Variants in FBXO11 observed in about 807,000 individuals in gnomAD.
FBXO11 encodes F-box only protein 11.
Under a neutral mutation model 117.0 loss-of-function variants are expected in FBXO11, and 13 were observed. The observed-to-expected ratio is 0.11, with a 90% CI of 0.07 to 0.18. FBXO11 has a LOEUF of 0.18. Among genes scored for constraint, FBXO11 ranks in the 10% least tolerant of loss-of-function variants. The probability of loss-of-function intolerance (pLI) is 1.00; values close to 1 mark genes in which losing one functional copy is unlikely to be tolerated. For synonymous variants in FBXO11, 490 were observed against 380.5 expected, an observed-to-expected ratio of 1.29 and a Z score of -3.35; for missense variants, 767 against 1,164.4, an observed-to-expected ratio of 0.66 and a Z score of 4.97.
At chr2:47,902,727 T>C (rs1678390708) in intron 1 of FBXO11, among the ~76,000 whole-genome samples, 1 of 152,144 alleles carries the variant, frequency 6.6e-6, no homozygotes, top group African/African-American at 2.4e-5. Flanking sequence ...AACTATTTTA[T>C]TACCACTAAA....
Position 47,906,003 on chromosome 2 carries a change from A to C in FBXO11, c.-283T>G, listed in dbSNP as rs1678787700. On this transcript the variant is annotated 5_prime_UTR_variant, in exon 1 of 23. Transcript: ENST00000403359. ...GGCGGCCGCGAGGGACGAAGGCAGAAAGACGGGCAGACCGAGAGAAAGAAA... is the reference window on the plus strand; with the variant it reads ...GGCGGCCGCGAGGGACGAAGGCAGACAGACGGGCAGACCGAGAGAAAGAAA... The C allele has an allele frequency of 3.0e-6, 1 of 330,772 alleles. No individual in the cohort carries two copies. 20.5% of individuals were successfully genotyped at this position (330,772 alleles called of 1,614,324 possible).
At chr2:47,813,181 G>T (rs1670746933) in intron 18 of FBXO11, 53 bp downstream of exon 18, 1 of 1,538,090 alleles carries the variant, frequency 6.5e-7, no homozygotes, top group Non-Finnish European at 9.0e-7. Context: ...TTAAAGATAT[G>T]GAAGAATAAT....
intron 1 of FBXO11, among the ~76,000 whole-genome samples, chr2:47,891,961 G>A (rs776082027): frequency 1.3e-5 from 2 of 152,072 alleles, no homozygotes; most frequent in Non-Finnish European, 2.9e-5. Flanking sequence ...TTTTAAATAG[G>A]TTATTAGTTT....
intron 18 of FBXO11, among the ~76,000 whole-genome samples, chr2:47,812,073 G>A (rs1478937761): frequency 6.6e-6 from 1 of 151,380 alleles, no homozygotes; most frequent in Admixed American, 6.6e-5. Flanking sequence ...AAGTGCTATT[G>A]CTAAGATGGA....
chr2:47,875,722 T>C (rs925416016), intron 1 of FBXO11, among the ~76,000 whole-genome samples: 6 of 152,002 alleles, frequency 3.9e-5, no homozygotes, highest in Non-Finnish European at 8.8e-5. Context: ...AGAATACAAG[T>C]CATAATATCT....
chr2:47,839,899 C>T, intron 1 of FBXO11, 130 bp from the exon 2 acceptor site: 2 of 703,766 alleles, frequency 2.8e-6, no homozygotes, highest in South Asian at 2.1e-5. Flanking sequence ...TTCCAACCAA[C>T]TGGATAGCTA....
chr2:47,831,909 G>T (rs1672220414), intron 11 of FBXO11, among the ~76,000 whole-genome samples: 1 of 152,046 alleles, frequency 6.6e-6, no homozygotes, highest in South Asian at 2.1e-4. Flanking sequence ...AAATAACAAT[G>T]AAACCATTAT....
intron 16 of FBXO11, 38 bp from the exon 17 acceptor site, chr2:47,813,905 T>C: frequency 7.0e-7 from 1 of 1,435,242 alleles, no homozygotes; most frequent in Non-Finnish European, 9.8e-7. Flanking sequence ...TTTCAATAGC[T>C]TCTACTCCCA....
chr2:47,823,325 C>T lies in FBXO11; in HGVS notation c.1434G>A (p.Arg478=), dbSNP rs200669207. ...AGGCTTTTACTTCAAAGCCTGCTAT[C>T]CTATTTCTGTGTATATTGCAACTTT... ...YFESCNIHRN[R]IAGFEVKAYA... The change falls in exon 12 of 23, where the codon AGG becomes AGA. Residue 478 remains arginine, a synonymous_variant. Transcript: ENST00000403359. The T allele has an allele frequency of 1.3e-4, 216 of 1,612,828 alleles. 2 individuals are homozygous for T. Among genetic ancestry groups the T allele is most frequent in the Middle Eastern group, 6.6e-4 (4 of 6,082 alleles).
chr2:47,879,945 G>A (rs985731417), intron 1 of FBXO11, among the ~76,000 whole-genome samples: 3 of 151,424 alleles, frequency 2.0e-5, no homozygotes, highest in Non-Finnish European at 4.4e-5. Context: ...CCTTTCTAAA[G>A]TTTGAATAAT....
chr2:47,816,160 G>T (rs1197892274), intron 16 of FBXO11, among the ~76,000 whole-genome samples: 1 of 152,134 alleles, frequency 6.6e-6, no homozygotes, highest in Admixed American at 6.5e-5. Flanking sequence ...TTGGCTCAGG[G>T]CATAACTGCA....
chr2:47,809,658 A>C lies in FBXO11; in HGVS notation c.2388T>G (p.Ile796Met). The C allele has an allele frequency of 6.2e-7, 1 of 1,613,636 alleles. No individual in the cohort carries two copies. The stretch of plus-strand genomic sequence containing the variant: ...ATAAGCCTCCAAACCGGTTGTTAAA[A>C]ATCTGATTGCCTTCTAGTGTTGCAG... ...HATATLEGNQ[I>M]FNNRFGGLFL... is the part of the protein sequence containing the mutation. Residue 796 changes from isoleucine to methionine, a missense_variant, in exon 20 of 23, where the codon ATT becomes ATG. By Grantham distance (10) the Ile-to-Met change is conservative. This residue lies in a region of FBXO11 where 66 missense variants were observed against 82.7 expected (regional missense o/e 0.80). Coordinates refer to ENST00000403359, the MANE Select transcript of FBXO11 (RefSeq NM_001190274.2).
intron 4 of FBXO11, among the ~76,000 whole-genome samples, chr2:47,837,686 G>C (rs1401760053): frequency 6.6e-6 from 1 of 152,116 alleles, no homozygotes; most frequent in Non-Finnish European, 1.5e-5. Context: ...TTTATCTACA[G>C]ATCATTTATT....
At chr2:47,837,821 C>T (rs865799858) in intron 4 of FBXO11, among the ~76,000 whole-genome samples, 35 of 152,204 alleles carry the variant, frequency 2.3e-4, no homozygotes, top group African/African-American at 7.7e-4. Flanking sequence ...GCCTTGACTT[C>T]CTGGGCTCAA....
At chr2:47,827,993 A>C (rs1291221804) in intron 11 of FBXO11, among the ~76,000 whole-genome samples, 1 of 152,104 alleles carries the variant, frequency 6.6e-6, no homozygotes, top group Non-Finnish European at 1.5e-5. Flanking sequence ...AGCCCGGCTG[A>C]AAAAAATTTT....
chr2:47,833,073 G>A lies in FBXO11; in HGVS notation c.935-3C>T, dbSNP rs1672303957. On this transcript the variant is annotated splice_region_variant and splice_polypyrimidine_tract_variant and intron_variant, in intron 7 of 22. Coordinates refer to ENST00000403359, the MANE Select transcript of FBXO11 (RefSeq NM_001190274.2). ...TTTGTCTGCCACTTTCCCAGGTGCT[G>A]TGGAGAAGATATTTTAAAGAATATT... 2 of 1,590,728 alleles carry A rather than the reference G, an allele frequency of 1.3e-6. No individual in the cohort carries two copies. Among genetic ancestry groups the A allele is most frequent in the African/African-American group, 2.7e-5 (2 of 74,380 alleles).
intron 11 of FBXO11, among the ~76,000 whole-genome samples, chr2:47,829,201 A>T (rs1200992833): frequency 2.7e-5 from 4 of 150,514 alleles, no homozygotes; most frequent in Admixed American, 6.7e-5. Flanking sequence ...GGCCTCAAAA[A>T]ATTTTATAGT....
chr2:47,904,567 C>A (rs1201264281), intron 1 of FBXO11, among the ~76,000 whole-genome samples: 1 of 139,192 alleles, frequency 7.2e-6, no homozygotes, highest in Admixed American at 7.7e-5. Flanking sequence ...AACACACACA[C>A]GCGCGCGCGC....
At chr2:47,808,748 T>C (rs924027071) in intron 21 of FBXO11, 6 of 303,630 alleles carry the variant, frequency 2.0e-5, no homozygotes, top group African/African-American at 1.3e-4. Context: ...GACTGGGATA[T>C]ATCAAACACT....
Sources: gnomAD v4.1 joint callset for allele counts (sites outside exome capture counted in the v4.1 genomes callset) on GRCh38, gnomAD v4.1.1 for gene constraint, gnomAD v4.1.1 regional missense constraint, MANE v1.5 for transcripts, NCBI Gene and HGNC (gene_info 2026-07-23, HGNC 2026-07-21) for gene names.